The following NCOA6 variants were observed in gnomAD, a reference collection of about 807,000 sequenced individuals.
NCOA6 encodes the protein nuclear receptor coactivator 6.
Under a neutral mutation model 171.4 loss-of-function variants are expected in NCOA6, and 49 were observed. That is an observed-to-expected ratio of 0.29 (90% CI 0.23 to 0.36). NCOA6 has a LOEUF of 0.36. Ranked by LOEUF, NCOA6 falls within the 10% of genes least tolerant of loss-of-function variation. The pLI is 1.00. For synonymous variants in NCOA6, 910 were observed against 927.5 expected (o/e 0.98, Z 0.34); for missense variants, 2,248 against 2,554.5 (o/e 0.88, Z 2.59).
intron 2 of NCOA6, among the ~76,000 whole-genome samples, chr20:34,790,390 T>C (rs2077834390): frequency 6.6e-6 from 1 of 152,136 alleles, no homozygotes; most frequent in South Asian, 2.1e-4. Context: ...AGTCTCGCTG[T>C]GTTGCCCAGG....
At chr20:34,793,990 T>G (rs896085271) in intron 1 of NCOA6, among the ~76,000 whole-genome samples, 1 of 152,238 alleles carries the variant, frequency 6.6e-6, no homozygotes, top group African/African-American at 2.4e-5. Flanking sequence ...AAACAATTTT[T>G]CACTCATCAG....
chr20:34,784,808 C>T (rs1014653461), intron 2 of NCOA6, among the ~76,000 whole-genome samples: 3 of 151,696 alleles, frequency 2.0e-5, no homozygotes, highest in Non-Finnish European at 4.4e-5. Context: ...AGGCTGGGCG[C>T]GGTGGCTCAT....
intron 1 of NCOA6, among the ~76,000 whole-genome samples, chr20:34,803,128 T>G (rs2078312356): frequency 6.6e-6 from 1 of 151,908 alleles, no homozygotes; most frequent in Non-Finnish European, 1.5e-5. Flanking sequence ...AAATTAGAAA[T>G]GAAAATAATC....
intron 5 of NCOA6, among the ~76,000 whole-genome samples, chr20:34,759,275 A>G (rs575185330): frequency 1.3e-5 from 2 of 152,274 alleles, no homozygotes; most frequent in South Asian, 4.1e-4. Context: ...CCTGGGCTCA[A>G]GCGATCCTCC....
At chr20:34,763,695 A>G (rs1311200852) in intron 5 of NCOA6, among the ~76,000 whole-genome samples, 1 of 152,218 alleles carries the variant, frequency 6.6e-6, no homozygotes, top group African/African-American at 2.4e-5. Context: ...ATGGGTATTC[A>G]CTAACATATC....
At position 34,742,649 on chromosome 20, in the gene NCOA6, G is replaced by C; in HGVS notation, c.3607C>G (p.Pro1203Ala). 6.2e-7 allele frequency: 1 copy of C among 1,614,170 alleles called. No homozygotes were observed. Among genetic ancestry groups the C allele is most frequent in the Non-Finnish European group, 8.5e-7 (1 of 1,180,044 alleles). The change falls in exon 11 of 15, where the codon CCA becomes GCA. Residue 1203 changes from proline to alanine, a missense_variant. Around this residue, in one of 7 missense-constraint regions of NCOA6, gnomAD observed 352 missense variants for 419.1 expected, o/e 0.84. Transcript: ENST00000359003. ...GTTTTGGGCCTAGATGTCTGGGTTG[G>C]CGCAGCCACATTTGGGAAGTGGTGG... ...HGHHFPNVAA[P>A]TQTSRPKTPN...
chr20:34,751,141 C>T (rs1182564837), intron 8 of NCOA6, among the ~76,000 whole-genome samples: 5 of 151,658 alleles, frequency 3.3e-5, no homozygotes, highest in Non-Finnish European at 5.9e-5. Context: ...GAGGCCGAGG[C>T]GGGTGGATCA....
intron 1 of NCOA6, among the ~76,000 whole-genome samples, chr20:34,810,475 T>TA (rs1349909353): frequency 3.3e-5 from 5 of 151,994 alleles, no homozygotes; most frequent in African/African-American, 1.2e-4. Flanking sequence ...TTCATAACTG[T>TA]GCACTATTGA....
chr20:34,768,988 G>A (rs988388843), intron 4 of NCOA6, among the ~76,000 whole-genome samples: 2 of 151,836 alleles, frequency 1.3e-5, no homozygotes, highest in African/African-American at 4.9e-5. Flanking sequence ...ATGATCAGAA[G>A]GTAGACACTA....
Position 34,757,406 on chromosome 20 carries a change from G to T in NCOA6, c.1342C>A (p.Gln448Lys), listed in dbSNP as rs2076673049. 2 of 1,613,808 alleles carry T rather than the reference G, an allele frequency of 1.2e-6. No individual in the cohort carries two copies. Among genetic ancestry groups the T allele is most frequent in the Admixed American group, 1.7e-5 (1 of 59,986 alleles). Residue 448 changes from glutamine to lysine, a missense_variant, in exon 7 of 15, where the codon CAA becomes AAA. Physicochemically the swap from Gln to Lys is moderately conservative, Grantham distance 53. Around this residue, in one of 7 missense-constraint regions of NCOA6, gnomAD observed 987 missense variants for 1,104.7 expected, o/e 0.89. Transcript: ENST00000359003. ...CTTGGTCCCATCTGCTGCTGAGTTT[G>T]GTTAACCGTTGGGGAGGATGCAGGG... ...GSPASSPTVN[Q>K]TQQQMGPRPP...
At chr20:34,770,979 A>G (rs1055538289) in intron 4 of NCOA6, among the ~76,000 whole-genome samples, 1 of 152,158 alleles carries the variant, frequency 6.6e-6, no homozygotes, top group African/African-American at 2.4e-5. Context: ...TACCTAGCCA[A>G]GTGTTGTTCA....
chr20:34,715,429 G>T, intron 14 of NCOA6, 64 bp from the exon 15 acceptor site: 3 of 1,242,402 alleles, frequency 2.4e-6, no homozygotes, highest in Non-Finnish European at 3.6e-6. Flanking sequence ...CCTTTAGACA[G>T]TCCACAACAA....
chr20:34,748,653 A>G (rs1054590815), intron 9 of NCOA6, among the ~76,000 whole-genome samples: 51 of 152,214 alleles, frequency 3.4e-4, no homozygotes, highest in Admixed American at 3.3e-3. Flanking sequence ...AATGAAATAT[A>G]AATTGTTAAT....
intron 4 of NCOA6, among the ~76,000 whole-genome samples, chr20:34,775,682 AAAAAAAAAAAG>A (rs1366255843): frequency 1.8e-4 from 8 of 45,616 alleles, no homozygotes; most frequent in South Asian, 1.6e-3. Context: ...CAAAAAAAAA[AAAAAAAAAAAG>A]AAAAAAAAAA....
intron 1 of NCOA6, among the ~76,000 whole-genome samples, chr20:34,816,372 A>G (rs2078834978): frequency 6.6e-6 from 1 of 152,096 alleles, no homozygotes; most frequent in African/African-American, 2.4e-5. Flanking sequence ...AGTTACTCCT[A>G]CTGGAGTAGG....
In NCOA6 at chr20:34,825,529, T is replaced by G. The variant is rs2079129484; in HGVS notation, c.-221A>C. 1.4e-5 allele frequency: 2 copies of G among 147,346 alleles called. No homozygotes were observed. Among genetic ancestry groups the G allele is most frequent in the African/African-American group, 2.5e-5 (1 of 40,328 alleles). 9.1% of individuals were successfully genotyped at this position (147,346 alleles called of 1,614,324 possible). On this transcript the variant is annotated 5_prime_UTR_variant, in exon 1 of 15. Transcript: ENST00000359003. Reference sequence around the variant, plus strand: ...TTGGAGCGCCGGCCCGGGCCGTGCGTGCCCGCCGCCCTCGGTGCGTCCGTC... The same window carrying G: ...TTGGAGCGCCGGCCCGGGCCGTGCGGGCCCGCCGCCCTCGGTGCGTCCGTC...
intron 1 of NCOA6, among the ~76,000 whole-genome samples, chr20:34,824,232 T>C (rs1021403226): frequency 6.6e-6 from 1 of 152,224 alleles, no homozygotes; most frequent in Non-Finnish European, 1.5e-5. Flanking sequence ...ATGTTATGCT[T>C]CATTTCTTAA....
chr20:34,811,201 G>GTATATATATATATTTATATATATATATA (rs2078648864), intron 1 of NCOA6, among the ~76,000 whole-genome samples: 1 of 53,798 alleles, frequency 1.9e-5, no homozygotes, highest in Non-Finnish European at 3.7e-5. Context: ...ACAACAACGT[G>GTATATATATATATTTATATATATATATA]TATATATATA....
Position 34,822,249 on chromosome 20 carries a change from C to A in NCOA6, c.-164+3223G>T, listed in dbSNP as rs77845557. ...CTCCCCTTCTCGAAGATCTTGAATG[C>A]CTCTCTCAGCTAAGGATTCAGTCCA... On this transcript the variant is annotated intron_variant, in intron 1 of 14. Coordinates refer to ENST00000359003, the MANE Select transcript of NCOA6 (RefSeq NM_014071.5). Among the ~76,000 whole-genome samples the A allele has an allele frequency of 5.0e-4, 76 of 152,242 alleles. 1 individual carries two copies. In the East Asian group the frequency reaches 0.013, roughly 26 times the overall value.
Sources: allele counts gnomAD v4.1 joint callset (sites outside exome capture counted in the v4.1 genomes callset), GRCh38; gene constraint gnomAD v4.1.1; regional missense constraint gnomAD v4.1.1; transcripts MANE v1.5; gene names NCBI Gene and HGNC (gene_info 2026-07-23, HGNC 2026-07-21).